Variants in DENND2B observed in about 807,000 individuals in gnomAD.
DENND2B encodes DENN domain-containing protein 2B.
A neutral mutation model predicts 116.0 loss-of-function variants in DENND2B; 32 were observed. The observed-to-expected ratio is 0.28, with a 90% CI of 0.21 to 0.37. DENND2B has a LOEUF of 0.37. Ranked by LOEUF, DENND2B falls within the 10% of genes least tolerant of loss-of-function variation. DENND2B has a pLI of 1.00. For missense variants in DENND2B, 1,276 were observed against 1,477.7 expected (o/e 0.86, Z 2.24); for synonymous variants, 588 against 583.9 (o/e 1.01, Z -0.10).
chr11:8,804,795 C>T (rs1387533362), intron 1 of DENND2B, among the ~76,000 whole-genome samples: 4 of 152,012 alleles, frequency 2.6e-5, no homozygotes, highest in Admixed American at 6.6e-5. Flanking sequence ...CCACCCACCT[C>T]GGCCTCCCAA....
chr11:8,789,595 G>C (rs1440635122), intron 1 of DENND2B, among the ~76,000 whole-genome samples: 1 of 152,018 alleles, frequency 6.6e-6, no homozygotes, highest in East Asian at 1.9e-4. Flanking sequence ...AATCTAATCA[G>C]GTCTCTAGAT....
intron 5 of DENND2B, among the ~76,000 whole-genome samples, chr11:8,717,525 A>G (rs1022660934): frequency 9.2e-5 from 14 of 152,184 alleles, no homozygotes; most frequent in African/African-American, 3.4e-4. Flanking sequence ...CAGAGGTTTC[A>G]ACATGGTGGA....
chr11:8,824,104 G>A (rs935089423), intron 4 of DENND2B, among the ~76,000 whole-genome samples: 8 of 150,924 alleles, frequency 5.3e-5, no homozygotes, highest in South Asian at 2.1e-4. Flanking sequence ...GGGTTTCACC[G>A]TGTTAGCCAG....
At chr11:8,907,190 T>C (rs538121145) in intron 1 of DENND2B, among the ~76,000 whole-genome samples, 7 of 152,362 alleles carry the variant, frequency 4.6e-5, no homozygotes, top group Non-Finnish European at 7.3e-5. Context: ...CTTGTGAAGA[T>C]AGAAGTCATT....
intron 1 of DENND2B, among the ~76,000 whole-genome samples, chr11:8,752,550 C>T (rs75480402): frequency 3.3e-5 from 5 of 151,878 alleles, no homozygotes; most frequent in African/African-American, 1.2e-4. Flanking sequence ...AAAACCATTA[C>T]GATAAAGTAA....
chr11:8,734,859 G>A (rs948908131), intron 2 of DENND2B, among the ~76,000 whole-genome samples: 7 of 151,054 alleles, frequency 4.6e-5, no homozygotes, highest in African/African-American at 9.7e-5. Flanking sequence ...AGTACCTGTC[G>A]CGCATTGAGC....
chr11:8,854,317 T>G (rs1045220205), intron 3 of DENND2B, among the ~76,000 whole-genome samples: 1 of 152,104 alleles, frequency 6.6e-6, no homozygotes, highest in African/African-American at 2.4e-5. Context: ...TTCTCCTGCC[T>G]CAGCCTCCCA....
chr11:8,708,020 A>C (rs891819645), intron 11 of DENND2B, 166 bp from the exon 12 acceptor site: 1 of 1,525,366 alleles, frequency 6.6e-7, no homozygotes, highest in Non-Finnish European at 8.8e-7. Flanking sequence ...CTGAAGGAAC[A>C]GCCACCACTC....
chr11:8,824,521 G>C (rs2061895929), intron 4 of DENND2B, among the ~76,000 whole-genome samples: 1 of 152,052 alleles, frequency 6.6e-6, no homozygotes, highest in Non-Finnish European at 1.5e-5. Context: ...TTCCTGCAAA[G>C]GACATGATTT....
At position 8,730,143 on chromosome 11, in the gene DENND2B, C is replaced by A. The variant is rs2047860816; in HGVS notation, c.1147G>T (p.Ala383Ser). The A allele has an allele frequency of 1.9e-6, 3 of 1,614,034 alleles. No homozygotes were observed. In the African/African-American group the frequency reaches 4.0e-5, roughly 22 times the overall value. Reference protein sequence around the residue: ...RLPSKSSLDPAVNPVPKPKRT... With the variant: ...RLPSKSSLDPSVNPVPKPKRT... ...TTGGGTTTGGGGACAGGGTTCACAGCGGGATCGAGGGAACTCTTCGATGGC... is the reference window on the plus strand; with the variant it reads ...TTGGGTTTGGGGACAGGGTTCACAGAGGGATCGAGGGAACTCTTCGATGGC... The change falls in exon 3 of 20, where the codon GCT becomes TCT. Residue 383 changes from alanine to serine, a missense_variant. Physicochemically the swap from Ala to Ser is moderately conservative, Grantham distance 99. Around this residue, in one of 2 missense-constraint regions of DENND2B, gnomAD observed 856 missense variants for 846.6 expected, o/e 1.01. Coordinates refer to ENST00000313726, the MANE Select transcript of DENND2B (RefSeq NM_213618.2). This position sits in a 1 kb window ranked among gnomAD's most constrained non-coding sequence, Gnocchi z 4.1.
intron 1 of DENND2B, among the ~76,000 whole-genome samples, chr11:8,884,033 G>GT (rs2063931328): frequency 2.0e-5 from 3 of 152,110 alleles, no homozygotes; most frequent in Non-Finnish European, 4.4e-5. Flanking sequence ...TATCTTAGTT[G>GT]ACTTCTTAGA....
At chr11:8,887,821 A>G (rs2116513) in intron 1 of DENND2B, among the ~76,000 whole-genome samples, 7,640 of 152,210 alleles carry the variant, frequency 0.05, 537 homozygotes, top group African/African-American at 0.16. Flanking sequence ...TCAGATAACA[A>G]TTTGAGCCAC....
intron 1 of DENND2B, among the ~76,000 whole-genome samples, chr11:8,897,639 C>A (rs1384202068): frequency 6.6e-6 from 1 of 152,112 alleles, no homozygotes; most frequent in Non-Finnish European, 1.5e-5. Flanking sequence ...AACCTGATAC[C>A]CTTGGTGGTC....
chr11:8,881,574 C>T (rs940045020), intron 1 of DENND2B, among the ~76,000 whole-genome samples: 2 of 152,172 alleles, frequency 1.3e-5, no homozygotes, highest in Non-Finnish European at 2.9e-5. Flanking sequence ...CTCACTCTGT[C>T]ACCCAGGCTG....
chr11:8,884,245 A>C (rs1476569357), intron 1 of DENND2B, among the ~76,000 whole-genome samples: 1 of 151,960 alleles, frequency 6.6e-6, no homozygotes. Context: ...GGATGGGGTC[A>C]GTCCCTAAAA....
At chr11:8,732,472 G>C (rs2048280102) in intron 2 of DENND2B, among the ~76,000 whole-genome samples, 1 of 152,136 alleles carries the variant, frequency 6.6e-6, no homozygotes, top group Admixed American at 6.5e-5. Flanking sequence ...GAACTGCCAG[G>C]GCCCTGAGGC....
chr11:8,748,752 A>G (rs2051775922), intron 2 of DENND2B, among the ~76,000 whole-genome samples: 1 of 151,872 alleles, frequency 6.6e-6, no homozygotes, highest in Admixed American at 6.6e-5. Flanking sequence ...CTAGCATGTT[A>G]TGATGGCAAG....
chr11:8,726,149 A>C lies in DENND2B; in HGVS notation c.1401T>G (p.Thr467=), dbSNP rs545409577. 13 of 1,613,968 alleles carry C rather than the reference A, an allele frequency of 8.1e-6. No individual in the cohort carries two copies. Among genetic ancestry groups the C allele is most frequent in the Admixed American group, 1.7e-5 (1 of 59,988 alleles). Residue 467 remains threonine, a synonymous_variant, in exon 4 of 20, where the codon ACT becomes ACG. Transcript: ENST00000313726. ...SLQSLYPSSP[T]ENGTENQPKF... ...TGGGTTGGTTCTCAGTACCATTCTC[A>C]GTGGGAGAAGAGGGGTACAGGGACT... is the stretch of plus-strand genomic sequence containing the variant.
intron 11 of DENND2B, among the ~76,000 whole-genome samples, chr11:8,710,015 A>AT (rs1295956026): frequency 6.6e-6 from 1 of 152,112 alleles, no homozygotes; most frequent in Non-Finnish European, 1.5e-5. Flanking sequence ...AGGGCTTCTG[A>AT]TAAGGGATGA....
Sources: allele counts gnomAD v4.1 joint callset (sites outside exome capture counted in the v4.1 genomes callset), GRCh38; gene constraint gnomAD v4.1.1; regional missense constraint gnomAD v4.1.1; non-coding constraint Gnocchi (gnomAD v3.1); transcripts MANE v1.5; gene names NCBI Gene and HGNC (gene_info 2026-07-23, HGNC 2026-07-21).